HM13: variants seen among roughly 807,000 people sequenced by gnomAD.
The protein encoded by HM13 is signal peptide peptidase.
In HM13, 18 loss-of-function variants were observed where a neutral mutation model predicts 50.0. The observed-to-expected ratio is 0.36, with a 90% CI of 0.25 to 0.53. The LOEUF (loss-of-function observed/expected upper bound fraction) is 0.53. Ranked by LOEUF, HM13 falls within the 20% of genes least tolerant of loss-of-function variation. The pLI is 0.90. For synonymous variants in HM13, 197 were observed against 232.6 expected (o/e 0.85, Z 1.39); for missense variants, 393 against 552.4 (o/e 0.71, Z 2.89).
At chr20:31,520,029 A>T (rs1982055644) in intron 1 of HM13, among the ~76,000 whole-genome samples, 1 of 151,552 alleles carries the variant, frequency 6.6e-6, no homozygotes, top group South Asian at 2.1e-4. Flanking sequence ...GCTAATTTTT[A>T]TGTTTTTCAT....
At chr20:31,550,170 G>T in intron 7 of HM13, 49 bp downstream of exon 7, 1 of 1,418,658 alleles carries the variant, frequency 7.0e-7, no homozygotes, top group Non-Finnish European at 1.0e-6. Context: ...CCCCTGCCGG[G>T]CCATGCCCCC....
intron 2 of HM13, among the ~76,000 whole-genome samples, chr20:31,530,608 A>C (rs781041237): frequency 4.6e-5 from 7 of 152,030 alleles, no homozygotes; most frequent in Non-Finnish European, 1.0e-4. Flanking sequence ...ATGGGGTTTC[A>C]CCATGTTGGC....
intron 2 of HM13, among the ~76,000 whole-genome samples, chr20:31,533,733 C>T (rs1982949615): frequency 6.6e-6 from 1 of 152,160 alleles, no homozygotes; most frequent in South Asian, 2.1e-4. Context: ...AGGCACTTGG[C>T]CGTGGGTCTC....
intron 4 of HM13, chr20:31,547,649 C>T (rs965303659): frequency 1.9e-6 from 3 of 1,567,520 alleles, no homozygotes; most frequent in Non-Finnish European, 2.6e-6. Flanking sequence ...AAGAAAGATC[C>T]TGTCAAAATA....
At chr20:31,517,805 C>T (rs1318565736) in intron 1 of HM13, among the ~76,000 whole-genome samples, 1 of 148,068 alleles carries the variant, frequency 6.8e-6, no homozygotes, top group East Asian at 2.0e-4. Flanking sequence ...CGTATTGTTA[C>T]AAAAATACTA....
intron 2 of HM13, among the ~76,000 whole-genome samples, chr20:31,528,523 G>C (rs1211627011): frequency 6.6e-6 from 1 of 152,194 alleles, no homozygotes; most frequent in African/African-American, 2.4e-5. Flanking sequence ...CTGTCACCCA[G>C]GCTGGAGTGC....
At chr20:31,533,087 C>G (rs1022351704) in intron 2 of HM13, among the ~76,000 whole-genome samples, 1 of 152,248 alleles carries the variant, frequency 6.6e-6, no homozygotes, top group Admixed American at 6.5e-5. Context: ...GGCCTCCCCC[C>G]TGACATCTGG....
At position 31,523,658 on chromosome 20, in the gene HM13, C is replaced by T. The variant is rs1982315416; in HGVS notation, c.184-3826C>T. Among the ~76,000 whole-genome samples, 3 of 152,162 alleles carry T rather than the reference C, an allele frequency of 2.0e-5. No individual in the cohort carries two copies. In the South Asian group the frequency reaches 6.2e-4, roughly 32 times the overall value. ...TACCTGCCTGTGAGTGTTTCAAGAT[C>T]AGGAACTCATTTTTGTACCCATACT... is the stretch of plus-strand genomic sequence containing the variant. On this transcript the variant is annotated intron_variant, in intron 1 of 12. Coordinates refer to ENST00000398174, the MANE Select transcript of HM13 (RefSeq NM_178581.3).
intron 1 of HM13, among the ~76,000 whole-genome samples, chr20:31,521,857 T>TTC (rs1344186779): frequency 6.8e-6 from 1 of 146,340 alleles, no homozygotes; most frequent in African/African-American, 2.5e-5. Flanking sequence ...TCCCATTCTT[T>TTC]TTTTTTTTTT....
chr20:31,529,224 C>G (rs906763538), intron 2 of HM13, among the ~76,000 whole-genome samples: 4 of 151,800 alleles, frequency 2.6e-5, no homozygotes, highest in African/African-American at 9.7e-5. Flanking sequence ...ATGTAAGCCA[C>G]TATGCCAGGC....
chr20:31,541,000 A>G (rs2122598772), intron 3 of HM13: 1 of 151,868 alleles, frequency 6.6e-6, no homozygotes, highest in Non-Finnish European at 1.5e-5. Flanking sequence ...AAAAGAAATA[A>G]TTGTCTATCT....
intron 4 of HM13, chr20:31,547,486 C>T (rs956903291): frequency 1.6e-6 from 1 of 642,714 alleles, no homozygotes; most frequent in Non-Finnish European, 2.7e-6. Context: ...CCTGTTGTCG[C>T]CCGCTTCACC....
intron 8 of HM13, among the ~76,000 whole-genome samples, chr20:31,555,821 T>A (rs1330329888): frequency 7.4e-5 from 11 of 149,590 alleles, no homozygotes; most frequent in Non-Finnish European, 1.6e-4. Context: ...AAAAAAAAAA[T>A]TAGCCAGTCG....
intron 4 of HM13, among the ~76,000 whole-genome samples, chr20:31,545,718 C>A (rs994937774): frequency 6.6e-6 from 1 of 152,150 alleles, no homozygotes; most frequent in Admixed American, 6.5e-5. Context: ...GACCAAACAG[C>A]AGGTATTTCT....
At chr20:31,533,678 G>A (rs1370314899) in intron 2 of HM13, among the ~76,000 whole-genome samples, 2 of 152,172 alleles carry the variant, frequency 1.3e-5, no homozygotes, top group Non-Finnish European at 2.9e-5. Context: ...AGACACATCA[G>A]TGAGATCCCC....
intron 2 of HM13, among the ~76,000 whole-genome samples, chr20:31,531,657 G>A (rs1157765392): frequency 6.6e-6 from 1 of 151,872 alleles, no homozygotes; most frequent in South Asian, 2.1e-4. Context: ...GCAGTGGCAT[G>A]ATCTTGGCTC....
At chr20:31,548,765 C>G in intron 4 of HM13, 1 of 511,612 alleles carries the variant, frequency 2.0e-6, no homozygotes, top group Non-Finnish European at 3.5e-6. Context: ...ACACCAAAGA[C>G]CACTTCCCGC....
At position 31,514,598 on chromosome 20, in the gene HM13, G is replaced by A. The variant is rs764810718; in HGVS notation, c.47G>A (p.Gly16Asp). 1.2e-6 allele frequency: 2 copies of A among 1,602,710 alleles called. No individual in the cohort carries two copies. The highest frequency in any genetic ancestry group is 1.7e-6 in the Non-Finnish European group (2 of 1,176,334). The change falls in exon 1 of 13, where the codon GGC (glycine) becomes GAC (aspartate). Residue 16 changes from glycine (G) to aspartate (D), a missense_variant. By Grantham distance (94) the Gly-to-Asp change is moderately conservative. Around this residue, in one of 3 missense-constraint regions of HM13, gnomAD observed 214 missense variants for 276.1 expected, o/e 0.77. Coordinates refer to ENST00000398174, the MANE Select transcript of HM13 (RefSeq NM_178581.3). The surrounding 1 kb of genome is among the most constrained non-coding windows in gnomAD (Gnocchi z 4.3). ...CCGCATAACGGCAGTGCCGAGGCAG[G>A]CGGCCCCACCAACAGCACTACGCGG... ...SDPHNGSAEA[G>D]GPTNSTTRPP...
At chr20:31,522,554 C>CA (rs35963745) in intron 1 of HM13, among the ~76,000 whole-genome samples, 2,880 of 114,662 alleles carry the variant, frequency 0.025, 71 homozygotes, top group African/African-American at 0.099. Flanking sequence ...TAAAAAAAAA[C>CA]AAAAAAAAAA....
Sources: gnomAD v4.1 joint callset for allele counts (sites outside exome capture counted in the v4.1 genomes callset) on GRCh38, gnomAD v4.1.1 for gene constraint, gnomAD v4.1.1 regional missense constraint, Gnocchi (gnomAD v3.1) non-coding constraint, MANE v1.5 for transcripts, NCBI Gene and HGNC (gene_info 2026-07-23, HGNC 2026-07-21) for gene names.